EPB41L4A: variants seen among roughly 807,000 people sequenced by gnomAD.
The protein encoded by EPB41L4A is band 4.1-like protein 4A.
Under a neutral mutation model 108.6 loss-of-function variants are expected in EPB41L4A, and 100 were observed. That is an observed-to-expected ratio of 0.92 (90% CI 0.78 to 1.09). The LOEUF (loss-of-function observed/expected upper bound fraction) is 1.09. EPB41L4A is among the 50% of genes least tolerant of loss of function. The probability of loss-of-function intolerance (pLI) is 0.00; values close to 1 mark genes in which losing one functional copy is unlikely to be tolerated. For synonymous variants in EPB41L4A, 319 were observed against 289.0 expected (o/e 1.10, Z -1.05); for missense variants, 1,030 against 842.7 (o/e 1.22, Z -2.75).
At chr5:112,378,508 A>G (rs917184219) in intron 1 of EPB41L4A, among the ~76,000 whole-genome samples, 11 of 152,230 alleles carry the variant, frequency 7.2e-5, no homozygotes, top group African/African-American at 2.7e-4. Flanking sequence ...TAAGAAATAT[A>G]GAGAAAGTTT....
rs551878872 is a variant in EPB41L4A, at chr5:112,165,800, C to T, written c.1933-682G>A. Among the ~76,000 whole-genome samples the T allele has an allele frequency of 2.3e-4, 35 of 152,240 alleles. No homozygotes were observed. The South Asian group carries it at 7.3e-3, about 32-fold the overall frequency. ...CCCATAAATAATGGGCTATACCGTC[C>T]CAATCTATTTTGAGATTTGTTTGAG... is the stretch of plus-strand genomic sequence containing the variant. On this transcript the variant is annotated intron_variant, in intron 22 of 22. Transcript: ENST00000261486.
At chr5:112,404,844 C>T (rs907262387) in intron 1 of EPB41L4A, among the ~76,000 whole-genome samples, 4 of 152,196 alleles carry the variant, frequency 2.6e-5, no homozygotes, top group African/African-American at 9.7e-5. Flanking sequence ...CGTCTTCCTC[C>T]ACAAAACTCC....
intron 12 of EPB41L4A, among the ~76,000 whole-genome samples, chr5:112,211,916 T>G (rs1209701332): frequency 6.6e-6 from 1 of 152,216 alleles, no homozygotes; most frequent in Non-Finnish European, 1.5e-5. Flanking sequence ...AAGACACCTG[T>G]GGCACAAAAG....
intron 1 of EPB41L4A, among the ~76,000 whole-genome samples, chr5:112,354,969 T>A (rs1758278719): frequency 6.6e-6 from 1 of 152,160 alleles, no homozygotes; most frequent in Admixed American, 6.5e-5. Context: ...TGATTTTTTT[T>A]AAAGTTGCCA....
intron 11 of EPB41L4A, among the ~76,000 whole-genome samples, chr5:112,239,143 G>A (rs998489519): frequency 1.3e-5 from 2 of 152,164 alleles, no homozygotes; most frequent in Admixed American, 1.3e-4. Flanking sequence ...ACTAAATGAA[G>A]CAATGAATGG....
At chr5:112,283,029 C>T (rs900496473) in intron 2 of EPB41L4A, among the ~76,000 whole-genome samples, 1 of 152,008 alleles carries the variant, frequency 6.6e-6, no homozygotes, top group Non-Finnish European at 1.5e-5. Flanking sequence ...GTTAATCTAT[C>T]AAAAATTTTA....
chr5:112,201,167 C>T (rs376526420), intron 15 of EPB41L4A, among the ~76,000 whole-genome samples: 3 of 152,152 alleles, frequency 2.0e-5, no homozygotes, highest in African/African-American at 7.2e-5. Flanking sequence ...TGCTTTAGTC[C>T]TTTTTATGTC....
Position 112,419,257 on chromosome 5 carries a change from C to G in EPB41L4A, c.-218G>C, listed in dbSNP as rs1412831422. On this transcript the variant is annotated 5_prime_UTR_variant, in exon 1 of 23. Coordinates refer to ENST00000261486, the MANE Select transcript of EPB41L4A (RefSeq NM_022140.5). ...GGGAGAGTCAGCGCCCGGGAGCCGC[C>G]GGGGAAGCGCCGGCGGAACTGGGCG... 14 of 398,942 alleles carry G rather than the reference C, an allele frequency of 3.5e-5. No homozygotes were observed. The highest frequency in any genetic ancestry group is 5.8e-5 in the Non-Finnish European group (13 of 224,222). 24.7% of individuals were successfully genotyped at this position (398,942 alleles called of 1,614,324 possible).
intron 1 of EPB41L4A, among the ~76,000 whole-genome samples, chr5:112,318,696 T>G (rs1755578937): frequency 6.6e-6 from 1 of 152,162 alleles, no homozygotes; most frequent in African/African-American, 2.4e-5. Flanking sequence ...CCACTAAATG[T>G]TGGGTAGTTT....
rs1759988171 is a variant in EPB41L4A, at chr5:112,162,782, T to TATCTC, written c.*2207_*2208insGAGAT. 6.6e-6 allele frequency: 1 copy of TATCTC among 152,232 alleles called. No individual in the cohort carries two copies. Among genetic ancestry groups the TATCTC allele is most frequent in the Non-Finnish European group, 1.5e-5 (1 of 68,044 alleles). 9.4% of individuals were successfully genotyped at this position (152,232 alleles called of 1,614,324 possible). A position where few individuals can be genotyped will look rare whatever the true frequency, so the allele number is the denominator to read the frequency against. ...GATGAGTTCCGTGATAGGATTTTCT[T>TATCTC]AGGGAAACCTGAGAAAGAGTTGAGA... On this transcript the variant is annotated 3_prime_UTR_variant, in exon 23 of 23. Transcript: ENST00000261486.
At chr5:112,142,598 T>A (rs185016963) in exon 14 of EPB41L4A, 4 of 152,280 alleles carry the variant, frequency 2.6e-5, no homozygotes, top group Non-Finnish European at 2.9e-5. Context: ...TAAGAACAGA[T>A]TTATTTTAGA....
intron 1 of EPB41L4A, among the ~76,000 whole-genome samples, chr5:112,418,713 G>T (rs767295516): frequency 6.6e-6 from 1 of 152,062 alleles, no homozygotes; most frequent in Non-Finnish European, 1.5e-5. Context: ...CCGGTGTGCT[G>T]AGTAAACTTA....
intron 9 of EPB41L4A, 124 bp downstream of exon 9, chr5:112,259,105 G>C (rs1751314591): frequency 2.7e-6 from 2 of 733,078 alleles, no homozygotes; most frequent in Non-Finnish European, 2.4e-6. Context: ...GTGCATGTGA[G>C]TTAATTAACC....
At chr5:112,325,044 C>T (rs1053650763) in intron 1 of EPB41L4A, among the ~76,000 whole-genome samples, 1 of 152,126 alleles carries the variant, frequency 6.6e-6, no homozygotes, top group African/African-American at 2.4e-5. Context: ...ACAAGGATGG[C>T]TGTTAGTAGT....
chr5:112,406,394 A>C (rs1458999709), intron 1 of EPB41L4A, among the ~76,000 whole-genome samples: 1 of 152,218 alleles, frequency 6.6e-6, no homozygotes, highest in Non-Finnish European at 1.5e-5. Flanking sequence ...TTACAAAATA[A>C]AGACCAAGGA....
chr5:112,318,585 G>A (rs1385251668), intron 1 of EPB41L4A, among the ~76,000 whole-genome samples: 2 of 152,078 alleles, frequency 1.3e-5, no homozygotes, highest in African/African-American at 4.8e-5. Context: ...CAATACCAAC[G>A]AGTGTTCACA....
rs765347414 is a variant in EPB41L4A at position 112,372,166 on chromosome 5, G to T, written c.99+46775C>A. Among the ~76,000 whole-genome samples, 89 of 152,176 alleles carry T rather than the reference G, an allele frequency of 5.8e-4. 1 individual carries two copies. Among genetic ancestry groups the T allele is most frequent in the Non-Finnish European group, 9.3e-4 (63 of 68,032 alleles). ...TTTACAAAGAAAAGAGATTTAATTT[G>T]CTCACAATTCTGCATGGCTAGGAAG... On this transcript the variant is annotated intron_variant, in intron 1 of 22. Transcript: ENST00000261486.
intron 1 of EPB41L4A, among the ~76,000 whole-genome samples, chr5:112,346,215 C>CTTTTTTT (rs1479210695): frequency 2.7e-4 from 13 of 49,040 alleles, no homozygotes; most frequent in Non-Finnish European, 4.3e-4. Flanking sequence ...AGGTACATTG[C>CTTTTTTT]ATTTTTTTTT....
At chr5:112,223,335 A>T (rs147356657) in intron 12 of EPB41L4A, among the ~76,000 whole-genome samples, 1 of 152,302 alleles carries the variant, frequency 6.6e-6, no homozygotes, top group Non-Finnish European at 1.5e-5. Flanking sequence ...TTTAACATTG[A>T]TATTAATAAG....
Sources: gnomAD v4.1 joint callset for allele counts (sites outside exome capture counted in the v4.1 genomes callset) on GRCh38, gnomAD v4.1.1 for gene constraint, MANE v1.5 for transcripts, NCBI Gene and HGNC (gene_info 2026-07-23, HGNC 2026-07-21) for gene names.